The following NCAPH variants were observed in gnomAD, a reference collection of about 807,000 sequenced individuals.
The protein encoded by NCAPH is non-SMC condensin I complex subunit H.
A neutral mutation model predicts 85.5 loss-of-function variants in NCAPH; 38 were observed. That is an observed-to-expected ratio of 0.44 (90% CI 0.34 to 0.58). The LOEUF (loss-of-function observed/expected upper bound fraction) is 0.58, where lower values mean the gene tolerates loss of function less well. Among genes scored for constraint, NCAPH ranks in the 20% least tolerant of loss-of-function variants. NCAPH has a pLI of 0.01. For synonymous variants in NCAPH, 301 were observed against 335.1 expected (o/e 0.90, Z 1.11); for missense variants, 789 against 916.6 (o/e 0.86, Z 1.80).
In NCAPH at chr2:96,373,511, G is replaced by A. The variant is rs994875353; in HGVS notation, c.*160G>A. The A allele has an allele frequency of 1.2e-5, 8 of 669,772 alleles. No homozygotes were observed. The highest frequency in any genetic ancestry group is 1.1e-4 in the African/African-American group (6 of 55,390). The allele number at this position is 669,772 out of a possible 1,614,324, so 41.5% of individuals were successfully genotyped here. ...TTGCTCTTTCCTTCTCTCCATCATA[G>A]TCTGGGTGCCAGCGCCCTGAAGCTC... On this transcript the variant is annotated 3_prime_UTR_variant, in exon 18 of 18. Transcript: ENST00000240423.
chr2:96,361,777 T>TAC (rs1429548487), intron 12 of NCAPH, among the ~76,000 whole-genome samples: 9 of 138,066 alleles, frequency 6.5e-5, no homozygotes, highest in African/African-American at 2.1e-4. Context: ...TACATATATA[T>TAC]ATATACACAT....
rs1401437822 is a variant in NCAPH, at chr2:96,375,727, GGT to G, written c.*2380_*2381del. On this transcript the variant is annotated 3_prime_UTR_variant, in exon 18 of 18. Coordinates refer to ENST00000240423, the MANE Select transcript of NCAPH (RefSeq NM_015341.5). ...TTTGGGAAGTAGGTGTTCTAGGACT[GGT>G]GTGACAGTTCCATGAAATTATGAGA... Among the ~76,000 whole-genome samples, 1 of 152,172 alleles carries G rather than the reference GGT, an allele frequency of 6.6e-6. No homozygotes were observed. Among genetic ancestry groups the G allele is most frequent in the Non-Finnish European group, 1.5e-5 (1 of 68,034 alleles).
chr2:96,344,261 A>G, intron 6 of NCAPH, 32 bp downstream of exon 6: 1 of 1,576,758 alleles, frequency 6.3e-7, no homozygotes, highest in South Asian at 1.2e-5. Flanking sequence ...GTGGTTTCTG[A>G]CTAATTCAGA....
chr2:96,353,956 C>G (rs2064484965), intron 8 of NCAPH, among the ~76,000 whole-genome samples: 1 of 152,116 alleles, frequency 6.6e-6, no homozygotes, highest in African/African-American at 2.4e-5. Context: ...CAAAATGTGC[C>G]TGACAACAAT....
chr2:96,351,239 C>T (rs2064437010), intron 6 of NCAPH, among the ~76,000 whole-genome samples: 2 of 152,218 alleles, frequency 1.3e-5, no homozygotes, highest in South Asian at 2.1e-4. Flanking sequence ...CAAGGATACA[C>T]GTCCAGATGT....
In NCAPH at chr2:96,353,228, C is replaced by G. The variant is rs563523890; in HGVS notation, c.911-78C>G. On this transcript the variant is annotated intron_variant, in intron 7 of 17. Coordinates refer to ENST00000240423, the MANE Select transcript of NCAPH (RefSeq NM_015341.5). ...TGTGCCTCTCATCTCTCGTCCCACTCAGTATCATTCTGAAGGGAGTAAGGA... is the reference window on the plus strand; with the variant it reads ...TGTGCCTCTCATCTCTCGTCCCACTGAGTATCATTCTGAAGGGAGTAAGGA... 45 of 1,166,708 alleles carry G rather than the reference C, an allele frequency of 3.9e-5. No individual in the cohort carries two copies. In the East Asian group the frequency reaches 6.1e-4, roughly 16 times the overall value. The allele number at this position is 1,166,708 out of a possible 1,614,324, so 72.3% of individuals were successfully genotyped here. A position where few individuals can be genotyped will look rare whatever the true frequency, so the allele number is the denominator to read the frequency against.
intron 17 of NCAPH, among the ~76,000 whole-genome samples, chr2:96,371,503 C>A (rs1166733774): frequency 6.6e-6 from 1 of 152,146 alleles, no homozygotes; most frequent in Admixed American, 6.5e-5. Context: ...AGTGACTCTG[C>A]GGCTTCACTG....
chr2:96,335,872 C>T (rs1260768744), intron 1 of NCAPH, 24 bp downstream of exon 1: 1 of 1,460,952 alleles, frequency 6.8e-7, no homozygotes. Flanking sequence ...TCGGGAGGCG[C>T]GGCGGGAAGG....
At chr2:96,347,128 G>T (rs945668253) in intron 6 of NCAPH, among the ~76,000 whole-genome samples, 2 of 152,090 alleles carry the variant, frequency 1.3e-5, no homozygotes, top group South Asian at 2.1e-4. Context: ...AAATTGGGAG[G>T]GGGGATAGTT....
intron 14 of NCAPH, among the ~76,000 whole-genome samples, 155 bp downstream of exon 14, chr2:96,366,213 TG>T (rs1343057528): frequency 1.3e-5 from 2 of 152,246 alleles, no homozygotes; most frequent in Admixed American, 1.3e-4. Flanking sequence ...AGTGAGCTGA[TG>T]CTAATTAGGT....
chr2:96,359,295 G>A, intron 10 of NCAPH, 102 bp downstream of exon 10: 2 of 1,435,258 alleles, frequency 1.4e-6, no homozygotes, highest in African/African-American at 1.4e-5. Context: ...GCCCTGTTGT[G>A]TCTCTTAATA....
intron 12 of NCAPH, among the ~76,000 whole-genome samples, chr2:96,363,193 CA>C (rs1177386774): frequency 8.5e-5 from 13 of 152,168 alleles, no homozygotes; most frequent in African/African-American, 2.4e-4. Context: ...AATTTTTTAG[CA>C]ATGAAATATT....
chr2:96,372,193 G>A (rs2064783391), intron 17 of NCAPH, among the ~76,000 whole-genome samples: 1 of 152,338 alleles, frequency 6.6e-6, no homozygotes, highest in Admixed American at 6.5e-5. Flanking sequence ...GGGAAACACT[G>A]CCTGGGGTTG....
chr2:96,367,378 G>C lies in NCAPH; in HGVS notation c.1998+5G>C. 1 of 1,605,442 alleles carries C rather than the reference G, an allele frequency of 6.2e-7. No individual in the cohort carries two copies. The highest frequency in any genetic ancestry group is 2.2e-5 in the East Asian group (1 of 44,796). ...GGAAAGGAGGCAGATGCAGAGGTCA[G>C]ATGCTCTTGCCTGTTCTCTAGGTGC... On this transcript the variant is annotated splice_donor_5th_base_variant and intron_variant, in intron 15 of 17. Transcript: ENST00000240423.
At chr2:96,356,225 A>AT (rs2104461698) in intron 9 of NCAPH, among the ~76,000 whole-genome samples, 1 of 152,242 alleles carries the variant, frequency 6.6e-6, no homozygotes, top group South Asian at 2.1e-4. Flanking sequence ...CTAGTCTCAG[A>AT]TTTTACCCAT....
chr2:96,361,255 G>A (rs1176590167), intron 12 of NCAPH, among the ~76,000 whole-genome samples: 1 of 151,672 alleles, frequency 6.6e-6, no homozygotes, highest in African/African-American at 2.4e-5. Flanking sequence ...TCACTATGTT[G>A]GCCAGGCTAG....
intron 3 of NCAPH, 71 bp from the exon 4 acceptor site, chr2:96,342,685 G>A: frequency 7.9e-7 from 1 of 1,260,952 alleles, no homozygotes; most frequent in Non-Finnish European, 1.1e-6. Flanking sequence ...AGCTTCCTCT[G>A]TTAAAAGCAG....
chr2:96,373,572 G>A lies in NCAPH; in HGVS notation c.*221G>A, dbSNP rs372513357. On this transcript the variant is annotated 3_prime_UTR_variant, in exon 18 of 18. Coordinates refer to ENST00000240423, the MANE Select transcript of NCAPH (RefSeq NM_015341.5). ...TGATTAAACTTTACTGCCCTATGGT[G>A]ACCATCTAGGAGAGGGGAGGGCAGA... 1.7e-5 allele frequency: 8 copies of A among 476,856 alleles called. No homozygotes were observed. The East Asian group carries it at 2.6e-4, about 16-fold the overall frequency. 29.5% of individuals were successfully genotyped at this position (476,856 alleles called of 1,614,324 possible). A position where few individuals can be genotyped will look rare whatever the true frequency, so the allele number is the denominator to read the frequency against.
At chr2:96,348,667 T>A (rs952390927) in intron 6 of NCAPH, among the ~76,000 whole-genome samples, 14 of 151,984 alleles carry the variant, frequency 9.2e-5, no homozygotes, top group Middle Eastern at 3.2e-3. Context: ...TATTATTATT[T>A]TTTTTTGAGA....
Sources: allele counts gnomAD v4.1 joint callset (sites outside exome capture counted in the v4.1 genomes callset), GRCh38; gene constraint gnomAD v4.1.1; transcripts MANE v1.5; gene names NCBI Gene and HGNC (gene_info 2026-07-23, HGNC 2026-07-21).